RNF13: variants seen among roughly 807,000 people sequenced by gnomAD.
RNF13 encodes the protein ring finger protein 13, also known as E3 ubiquitin-protein ligase RNF13.
A neutral mutation model predicts 37.7 loss-of-function variants in RNF13; 19 were observed. The ratio of observed to expected loss-of-function variants is 0.50; its 90% confidence interval spans 0.35 to 0.74. The LOEUF (loss-of-function observed/expected upper bound fraction) is 0.74, where lower values mean the gene tolerates loss of function less well. RNF13 is among the 30% of genes least tolerant of loss of function. The pLI is 0.01. For synonymous variants in RNF13, 144 were observed against 157.8 expected (o/e 0.91, Z 0.65); for missense variants, 375 against 453.0 (o/e 0.83, Z 1.56).
In RNF13 at chr3:149,894,767, T is replaced by C. The variant is rs1715062965; in HGVS notation, c.322-706T>C. Among the ~76,000 whole-genome samples, 3 of 152,306 alleles carry C rather than the reference T, an allele frequency of 2.0e-5. No homozygotes were observed. In the South Asian group the frequency reaches 6.2e-4, roughly 32 times the overall value. ...TAATGATCTATCTGATCCTTCATTT[T>C]TGCTAATAGTCTAAAGGTCATACAA... is the stretch of plus-strand genomic sequence containing the variant. On this transcript the variant is annotated intron_variant, in intron 4 of 9. Transcript: ENST00000392894.
chr3:149,853,459 A>AGAGAGAGG (rs1723320919), intron 3 of RNF13, among the ~76,000 whole-genome samples: 1 of 28,720 alleles, frequency 3.5e-5, no homozygotes, highest in African/African-American at 8.6e-5. Context: ...AGAGAGGGAG[A>AGAGAGAGG]GAGAGAGAGA....
chr3:149,855,984 A>C (rs990140835), intron 3 of RNF13, among the ~76,000 whole-genome samples: 3 of 152,172 alleles, frequency 2.0e-5, no homozygotes, highest in African/African-American at 7.2e-5. Context: ...TTTTCTACTG[A>C]ATAAGCTTAT....
chr3:149,909,952 G>GAA (rs3836226), intron 6 of RNF13, among the ~76,000 whole-genome samples: 1,769 of 148,334 alleles, frequency 0.012, 39 homozygotes, highest in African/African-American at 0.038. Context: ...AAAAAGAGAA[G>GAA]AAAAAAAAAA....
intron 8 of RNF13, among the ~76,000 whole-genome samples, chr3:149,947,775 A>G (rs1178888492): frequency 6.6e-6 from 1 of 151,876 alleles, no homozygotes; most frequent in East Asian, 1.9e-4. Context: ...ATTTATTGTT[A>G]TATCTTTTTG....
At chr3:149,951,512 G>C (rs963957103) in intron 8 of RNF13, among the ~76,000 whole-genome samples, 3 of 152,182 alleles carry the variant, frequency 2.0e-5, no homozygotes, top group Non-Finnish European at 4.4e-5. Context: ...GCTATAGGTT[G>C]ATTTGTATCA....
At chr3:149,887,969 A>G (rs1714241155) in intron 4 of RNF13, among the ~76,000 whole-genome samples, 1 of 152,226 alleles carries the variant, frequency 6.6e-6, no homozygotes, top group Non-Finnish European at 1.5e-5. Context: ...AGCAAAAAGA[A>G]AAGAAAGACG....
At chr3:149,856,848 C>T (rs111633203) in intron 3 of RNF13, among the ~76,000 whole-genome samples, 6 of 152,254 alleles carry the variant, frequency 3.9e-5, no homozygotes, top group East Asian at 1.9e-4. Flanking sequence ...TCTGGGTTCA[C>T]GCCATTCTCC....
At chr3:149,831,494 CT>C (rs1330304851) in intron 1 of RNF13, among the ~76,000 whole-genome samples, 1 of 152,128 alleles carries the variant, frequency 6.6e-6, no homozygotes, top group African/African-American at 2.4e-5. Context: ...CTGTACCCCC[CT>C]TGTTTCTGCC....
chr3:149,840,170 T>G (rs1209255867), intron 1 of RNF13, among the ~76,000 whole-genome samples: 7 of 152,228 alleles, frequency 4.6e-5, no homozygotes, highest in African/African-American at 1.7e-4. Context: ...GGAAAAATCT[T>G]TAGAGTGACG....
intron 1 of RNF13, among the ~76,000 whole-genome samples, chr3:149,836,447 G>A (rs1039564981): frequency 1.3e-5 from 2 of 151,738 alleles, no homozygotes; most frequent in Admixed American, 6.6e-5. Context: ...TATATATATT[G>A]TATATATATG....
chr3:149,843,455 A>T (rs1722358397), intron 1 of RNF13, among the ~76,000 whole-genome samples: 1 of 152,226 alleles, frequency 6.6e-6, no homozygotes, highest in Non-Finnish European at 1.5e-5. Flanking sequence ...AATGAGCAAG[A>T]ATTAGTTTCG....
intron 3 of RNF13, among the ~76,000 whole-genome samples, chr3:149,863,168 C>T (rs1377390392): frequency 6.6e-6 from 1 of 152,112 alleles, no homozygotes. Flanking sequence ...TCATTATGAT[C>T]CCTTTAATCA....
chr3:149,880,282 G>T (rs1713233362), intron 4 of RNF13, among the ~76,000 whole-genome samples: 1 of 152,110 alleles, frequency 6.6e-6, no homozygotes, highest in African/African-American at 2.4e-5. Flanking sequence ...GCTATGTTAG[G>T]ATGAGAAATC....
intron 1 of RNF13, among the ~76,000 whole-genome samples, chr3:149,814,933 GT>G (rs759720092): frequency 0.034 from 4,949 of 144,854 alleles, 88 homozygotes; most frequent in South Asian, 0.039. Context: ...TGTTTTATTA[GT>G]TTTTTTTTTT....
intron 1 of RNF13, among the ~76,000 whole-genome samples, chr3:149,842,114 CAG>C (rs1341054083): frequency 2.0e-5 from 3 of 152,182 alleles, no homozygotes; most frequent in Non-Finnish European, 2.9e-5. Context: ...AGATATCCCT[CAG>C]AGTTTTTTAG....
chr3:149,945,435 G>A (rs886338644), intron 8 of RNF13, among the ~76,000 whole-genome samples: 3 of 152,206 alleles, frequency 2.0e-5, no homozygotes, highest in Non-Finnish European at 2.9e-5. Context: ...CGAACTGGGT[G>A]GAGCCCACCA....
intron 1 of RNF13, among the ~76,000 whole-genome samples, chr3:149,844,804 A>G (rs1476851341): frequency 1.3e-5 from 2 of 152,208 alleles, no homozygotes; most frequent in Non-Finnish European, 1.5e-5. Flanking sequence ...ATAAAATTCA[A>G]CCAATTAAAG....
chr3:149,820,616 A>G (rs190324207), intron 1 of RNF13, among the ~76,000 whole-genome samples: 31 of 152,336 alleles, frequency 2.0e-4, no homozygotes, highest in African/African-American at 7.0e-4. Context: ...TTTATCCAAC[A>G]TGGATTATAA....
At chr3:149,825,181 C>A (rs894564909) in intron 1 of RNF13, among the ~76,000 whole-genome samples, 2 of 149,410 alleles carry the variant, frequency 1.3e-5, no homozygotes, top group African/African-American at 4.9e-5. Flanking sequence ...CTCCAGCAAC[C>A]CTTTTTTTTT....
Sources: allele counts gnomAD v4.1 joint callset (sites outside exome capture counted in the v4.1 genomes callset), GRCh38; gene constraint gnomAD v4.1.1; transcripts MANE v1.5; gene names NCBI Gene and HGNC (gene_info 2026-07-23, HGNC 2026-07-21).